ABLIM2: variants seen among roughly 807,000 people sequenced by gnomAD.
ABLIM2 encodes actin-binding LIM protein 2.
ABLIM2 carries 53 observed loss-of-function variants against 97.7 expected under a neutral mutation model. The observed-to-expected ratio is 0.54, with a 90% confidence interval of 0.44 to 0.68. The LOEUF (loss-of-function observed/expected upper bound fraction) is 0.68, where lower values mean the gene tolerates loss of function less well. ABLIM2 is among the 30% of genes least tolerant of loss of function. The probability of loss-of-function intolerance (pLI) is 0.00; values close to 1 mark genes in which losing one functional copy is unlikely to be tolerated. For synonymous variants in ABLIM2, 361 were observed against 345.8 expected, an observed-to-expected ratio of 1.04 and a Z score of -0.49; for missense variants, 835 against 867.2, an observed-to-expected ratio of 0.96 and a Z score of 0.47.
At chr4:8,076,263 C>G (rs565853787) in intron 6 of ABLIM2, among the ~76,000 whole-genome samples, 1 of 152,318 alleles carries the variant, frequency 6.6e-6, no homozygotes, top group South Asian at 2.1e-4. Context: ...TCCAGCTCTC[C>G]GCCAGCTGCC....
At chr4:8,091,289 AATATTAT>A (rs1431757264) in intron 3 of ABLIM2, among the ~76,000 whole-genome samples, 7 of 45,696 alleles carry the variant, frequency 1.5e-4, no homozygotes, top group African/African-American at 6.6e-4. Context: ...AATTATATAT[AATATTAT>A]ATATTATATT....
At chr4:7,967,387 A>G (rs192245947) in intron 20 of ABLIM2, among the ~76,000 whole-genome samples, 1 of 152,220 alleles carries the variant, frequency 6.6e-6, no homozygotes, top group Non-Finnish European at 1.5e-5. Flanking sequence ...CTGTGGACCA[A>G]GTTCATTAAC....
chr4:8,007,861 G>A (rs1482522370), intron 16 of ABLIM2, 198 bp downstream of exon 16: 21 of 1,383,676 alleles, frequency 1.5e-5, no homozygotes, highest in Admixed American at 3.0e-5. Flanking sequence ...ACACTGGCTC[G>A]GGGACAGTTC....
chr4:7,968,850 G>A (rs964033892), intron 20 of ABLIM2, among the ~76,000 whole-genome samples: 1 of 152,188 alleles, frequency 6.6e-6, no homozygotes, highest in South Asian at 2.1e-4. Flanking sequence ...CTTTAAAATG[G>A]TTAAAATGGG....
chr4:8,139,534 A>G (rs1169932018), intron 1 of ABLIM2, among the ~76,000 whole-genome samples: 1 of 152,240 alleles, frequency 6.6e-6, no homozygotes, highest in African/African-American at 2.4e-5. Flanking sequence ...AGAAGTGCAG[A>G]TCAAAACCAC....
chr4:8,109,051 A>G (rs573501663), intron 1 of ABLIM2, among the ~76,000 whole-genome samples: 3 of 152,162 alleles, frequency 2.0e-5, no homozygotes, highest in South Asian at 2.1e-4. Context: ...CGTCCAGGAA[A>G]CCCCGCGTAG....
rs561324407 is a variant in ABLIM2, at chr4:7,992,961, G to A, written c.1619-34C>T. ...GACACAGCACAGCTTTGTCACGCGC[G>A]CAGACTCGGTGCAGCAATGGGGGTG... On this transcript the variant is annotated intron_variant, in intron 16 of 20. Coordinates refer to ENST00000447017, the MANE Select transcript of ABLIM2 (RefSeq NM_001130083.2). The surrounding 1 kb of genome is among the most constrained non-coding windows in gnomAD (Gnocchi z 5.7). 8 of 1,604,952 alleles carry A rather than the reference G, an allele frequency of 5.0e-6. No homozygotes were observed. The highest frequency in any genetic ancestry group is 2.2e-5 in the East Asian group (1 of 44,768).
At position 8,043,441 on chromosome 4, in the gene ABLIM2, G is replaced by C. The variant is rs1290507364; in HGVS notation, c.900+1723C>G. Among the ~76,000 whole-genome samples, 2 of 152,146 alleles carry C rather than the reference G, an allele frequency of 1.3e-5. No individual in the cohort carries two copies. Among genetic ancestry groups the C allele is most frequent in the African/African-American group, 4.8e-5 (2 of 41,442 alleles). The stretch of plus-strand genomic sequence containing the variant: ...GAACTGTGTCTCCCCGAATTCCTGT[G>C]TTGGTAAAGTCCTAACCCTCAGGAC... On this transcript the variant is annotated intron_variant, in intron 9 of 20. Transcript: ENST00000447017. The surrounding 1 kb of genome is among the most constrained non-coding windows in gnomAD (Gnocchi z 4.8).
chr4:8,084,460 CTTAGCACTACCCTTGCAGGAGCAAA>C (rs772274932), intron 4 of ABLIM2, among the ~76,000 whole-genome samples: 3 of 152,216 alleles, frequency 2.0e-5, no homozygotes, highest in Non-Finnish European at 2.9e-5. Context: ...CACCCACCCT[CTTAGCACTACCCTTGCAGGAGCAAA>C]GGACACAGGG....
In ABLIM2 at chr4:8,010,433, C is replaced by T. The variant is rs1311049701; in HGVS notation, c.1424-1331G>A. 4.1e-6 allele frequency: 4 copies of T among 985,798 alleles called. No homozygotes were observed. In the East Asian group the frequency reaches 3.4e-4, roughly 84 times the overall value. The allele number at this position is 985,798 out of a possible 1,614,324, so 61.1% of individuals were successfully genotyped here. ...CACGCCGAGGTGGGCTTCTTACCTG[C>T]AGCGGGCGGCGGGCTCGGGCCCGTC... On this transcript the variant is annotated intron_variant, in intron 14 of 20. Coordinates refer to ENST00000447017, the MANE Select transcript of ABLIM2 (RefSeq NM_001130083.2).
chr4:7,998,737 G>A lies in ABLIM2; in HGVS notation c.1619-5810C>T. On this transcript the variant is annotated intron_variant, in intron 16 of 20. Transcript: ENST00000447017. This position sits in a 1 kb window ranked among gnomAD's most constrained non-coding sequence, Gnocchi z 6.4. ...CCACTGCATGGGAGGCTGGGAGTCT[G>A]CTGGCCTGGGCCACCTCCTGCTGCT... 2.1e-6 allele frequency: 1 copy of A among 471,106 alleles called. No individual in the cohort carries two copies. The highest frequency in any genetic ancestry group is 1.5e-5 in the South Asian group (1 of 65,638). The allele number at this position is 471,106 out of a possible 1,614,324, so 29.2% of individuals were successfully genotyped here.
rs1444999374 is a variant in ABLIM2, at chr4:8,074,053, C to T, written c.675+3575G>A. On this transcript the variant is annotated intron_variant, in intron 6 of 20. Transcript: ENST00000447017. The stretch of plus-strand genomic sequence containing the variant: ...AGTGAGCCGAGATTGCGCCACTGCA[C>T]TCTAGCCTGAATGACAAGAGTAAAA... Among the ~76,000 whole-genome samples, 6 of 128,734 alleles carry T rather than the reference C, an allele frequency of 4.7e-5. No individual in the cohort carries two copies. In the Admixed American group the frequency reaches 5.5e-4, roughly 12 times the overall value. 84.5% of individuals were successfully genotyped at this position (128,734 alleles called of 152,430 possible). A position where few individuals can be genotyped will look rare whatever the true frequency, so the allele number is the denominator to read the frequency against.
At chr4:8,101,127 C>T (rs944094345) in intron 2 of ABLIM2, among the ~76,000 whole-genome samples, 5 of 152,244 alleles carry the variant, frequency 3.3e-5, no homozygotes, top group African/African-American at 1.2e-4. Context: ...TGCCAATTCA[C>T]ATCAAAACAC....
At chr4:8,026,837 A>C (rs1279013332) in intron 12 of ABLIM2, among the ~76,000 whole-genome samples, 1 of 150,766 alleles carries the variant, frequency 6.6e-6, no homozygotes, top group African/African-American at 2.4e-5. Flanking sequence ...CTGTGTCTGC[A>C]GTGGCCTTTT....
rs1781937303 is a variant in ABLIM2, at chr4:8,033,010, A to G, written c.1047+3139T>C. Among the ~76,000 whole-genome samples, 1 of 152,236 alleles carries G rather than the reference A, an allele frequency of 6.6e-6. No homozygotes were observed. Among genetic ancestry groups the G allele is most frequent in the African/African-American group, 2.4e-5 (1 of 41,466 alleles). Reference sequence around the variant, plus strand: ...TTTCCCAAAAGGAAGACACTGGCTCAGGGCACAGGCAGCAACATCCTGAGG... The same window carrying G: ...TTTCCCAAAAGGAAGACACTGGCTCGGGGCACAGGCAGCAACATCCTGAGG... On this transcript the variant is annotated intron_variant, in intron 10 of 20. Transcript: ENST00000447017. The surrounding 1 kb of genome is among the most constrained non-coding windows in gnomAD (Gnocchi z 4.5).
rs1845795141 is a variant in ABLIM2, at chr4:8,122,220, G to GC, written c.11-15584dup. Among the ~76,000 whole-genome samples the GC allele has an allele frequency of 2.0e-5, 3 of 152,266 alleles. No individual in the cohort carries two copies. The highest frequency in any genetic ancestry group is 2.0e-4 in the Admixed American group (3 of 15,292). On this transcript the variant is annotated intron_variant, in intron 1 of 20. Coordinates refer to ENST00000447017, the MANE Select transcript of ABLIM2 (RefSeq NM_001130083.2). This position sits in a 1 kb window ranked among gnomAD's most constrained non-coding sequence, Gnocchi z 4.1. ...ACCAGCCTGGATGGGGAGTCTCGCT[G>GC]CCCCCTGTGCATCTCCATCATATCC...
chr4:8,106,320 C>G (rs566554733), intron 2 of ABLIM2, among the ~76,000 whole-genome samples, 174 bp downstream of exon 2: 2 of 152,228 alleles, frequency 1.3e-5, no homozygotes, highest in African/African-American at 4.8e-5. Context: ...ATCACATCCA[C>G]AAGTGACAAG....
At position 8,091,364 on chromosome 4, in the gene ABLIM2, T is replaced by G. The variant is rs1481245146; in HGVS notation, c.339-3080A>C. On this transcript the variant is annotated intron_variant, in intron 3 of 20. Coordinates refer to ENST00000447017, the MANE Select transcript of ABLIM2 (RefSeq NM_001130083.2). ...TAATATATATATAATTATATATATA[T>G]TATATTACATATAATTATATTATAT... is the stretch of plus-strand genomic sequence containing the variant. 4.2e-5 allele frequency among the ~76,000 whole-genome samples: 2 copies of G among 47,674 alleles called. 1 individual carries two copies. The highest frequency in any genetic ancestry group is 7.7e-5 in the Non-Finnish European group (2 of 25,866). The allele number at this position is 47,674 out of a possible 152,430, so 31.3% of individuals were successfully genotyped here. A position where few individuals can be genotyped will look rare whatever the true frequency, so the allele number is the denominator to read the frequency against.
rs1240089926 is a variant in ABLIM2, at chr4:8,022,498, C to T, written c.1268-2195G>A. ...CTGGGGACACAGCCATGTTGGCCCACCTCATTCTGGCCCCCCAGGGCCCTC... is the reference window on the plus strand; with the variant it reads ...CTGGGGACACAGCCATGTTGGCCCATCTCATTCTGGCCCCCCAGGGCCCTC... On this transcript the variant is annotated intron_variant, in intron 12 of 20. Coordinates refer to ENST00000447017, the MANE Select transcript of ABLIM2 (RefSeq NM_001130083.2). The surrounding 1 kb of genome is among the most constrained non-coding windows in gnomAD (Gnocchi z 7.8). 1.3e-5 allele frequency among the ~76,000 whole-genome samples: 2 copies of T among 152,244 alleles called. No individual in the cohort carries two copies. The highest frequency in any genetic ancestry group is 2.9e-5 in the Non-Finnish European group (2 of 68,040).
Sources: gnomAD v4.1 joint callset for allele counts (sites outside exome capture counted in the v4.1 genomes callset) on GRCh38, gnomAD v4.1.1 for gene constraint, Gnocchi (gnomAD v3.1) non-coding constraint, MANE v1.5 for transcripts, NCBI Gene and HGNC (gene_info 2026-07-23, HGNC 2026-07-21) for gene names.